Variants in PSD3 observed in about 807,000 individuals in gnomAD.
PSD3 encodes PH and SEC7 domain-containing protein 3.
Under a neutral mutation model 105.5 loss-of-function variants are expected in PSD3, and 49 were observed. The ratio of observed to expected loss-of-function variants is 0.46; its 90% confidence interval spans 0.37 to 0.59. The LOEUF is 0.59. Among genes scored for constraint, PSD3 ranks in the 20% least tolerant of loss-of-function variants. The pLI is 0.00. For synonymous variants in PSD3, 557 were observed against 457.8 expected (o/e 1.22, Z -2.77); for missense variants, 1,561 against 1,263.8 (o/e 1.24, Z -3.57).
At chr8:18,552,747 G>A (rs180922651) in intron 15 of PSD3, among the ~76,000 whole-genome samples, 2 of 152,312 alleles carry the variant, frequency 1.3e-5, no homozygotes, top group South Asian at 2.1e-4. Context: ...GTTTCTCAAT[G>A]TAGACTTGTC....
intron 4 of PSD3, among the ~76,000 whole-genome samples, chr8:18,809,087 TC>T: frequency 6.6e-6 from 1 of 152,272 alleles, no homozygotes; most frequent in Non-Finnish European, 1.5e-5. Context: ...GTGATCCCTC[TC>T]GGAGGGGATA....
At chr8:18,793,207 G>C (rs1307879614) in intron 8 of PSD3, among the ~76,000 whole-genome samples, 1 of 151,970 alleles carries the variant, frequency 6.6e-6, no homozygotes, top group Non-Finnish European at 1.5e-5. Context: ...AGCATTAGGA[G>C]ATATACCTAA....
intron 10 of PSD3, among the ~76,000 whole-genome samples, chr8:18,646,196 G>C (rs1417538877): frequency 6.6e-6 from 1 of 152,050 alleles, no homozygotes; most frequent in Non-Finnish European, 1.5e-5. Context: ...CTACATTGAA[G>C]TTTAAAATGA....
intron 1 of PSD3, among the ~76,000 whole-genome samples, chr8:19,041,741 G>T (rs998520053): frequency 5.3e-5 from 8 of 152,186 alleles, no homozygotes; most frequent in African/African-American, 1.9e-4. Context: ...GACATGTTCT[G>T]AACAACAAGC....
intron 1 of PSD3, among the ~76,000 whole-genome samples, chr8:19,082,208 C>T (rs1011937814): frequency 4.2e-4 from 64 of 152,216 alleles, no homozygotes; most frequent in African/African-American, 1.4e-3. Context: ...TAGTGATAGC[C>T]GTACGGCACC....
intron 9 of PSD3, among the ~76,000 whole-genome samples, chr8:18,659,100 G>A (rs1809121845): frequency 6.6e-6 from 1 of 152,186 alleles, no homozygotes; most frequent in South Asian, 2.1e-4. Context: ...CATCTCTGAA[G>A]CCAAGGGGAC....
intron 2 of PSD3, among the ~76,000 whole-genome samples, chr8:18,879,371 C>T (rs1318005563): frequency 1.3e-5 from 2 of 152,096 alleles, no homozygotes; most frequent in African/African-American, 2.4e-5. Flanking sequence ...AGTAGTTTCT[C>T]GTGGTCTGTG....
At chr8:18,795,865 A>G (rs1204305657) in intron 8 of PSD3, among the ~76,000 whole-genome samples, 1 of 152,236 alleles carries the variant, frequency 6.6e-6, no homozygotes, top group African/African-American at 2.4e-5. Flanking sequence ...TTCAACTCTT[A>G]CCTTGTTGAT....
At chr8:18,856,592 C>G (rs572952912) in intron 4 of PSD3, among the ~76,000 whole-genome samples, 1 of 152,308 alleles carries the variant, frequency 6.6e-6, no homozygotes, top group African/African-American at 2.4e-5. Flanking sequence ...CTTATTTTCT[C>G]TATACTAAAG....
chr8:18,600,297 A>G, intron 12 of PSD3, 67 bp downstream of exon 12: 2 of 1,372,988 alleles, frequency 1.5e-6, no homozygotes, highest in Non-Finnish European at 2.1e-6. Context: ...TACCGTACAT[A>G]CATATACTGG....
chr8:19,019,758 G>A (rs972683475), intron 1 of PSD3, among the ~76,000 whole-genome samples: 2 of 152,188 alleles, frequency 1.3e-5, no homozygotes, highest in African/African-American at 4.8e-5. Context: ...GAATACGTCT[G>A]ACACAAAATT....
At chr8:18,679,353 G>A (rs1030492238) in intron 9 of PSD3, among the ~76,000 whole-genome samples, 1 of 152,236 alleles carries the variant, frequency 6.6e-6, no homozygotes, top group Admixed American at 6.5e-5. Context: ...AGGTGATGGT[G>A]CCTTTCAACA....
At chr8:18,646,533 A>T (rs1808045781) in intron 10 of PSD3, among the ~76,000 whole-genome samples, 1 of 152,168 alleles carries the variant, frequency 6.6e-6, no homozygotes, top group Non-Finnish European at 1.5e-5. Context: ...CACACAAGGG[A>T]TTCCAACTTT....
intron 8 of PSD3, among the ~76,000 whole-genome samples, chr8:18,778,969 G>A (rs1192973731): frequency 6.6e-6 from 1 of 151,984 alleles, no homozygotes; most frequent in Non-Finnish European, 1.5e-5. Context: ...TGGCCTCATG[G>A]AACAAGCTAG....
chr8:18,536,240 T>A (rs1331093064), intron 15 of PSD3, among the ~76,000 whole-genome samples: 1 of 152,164 alleles, frequency 6.6e-6, no homozygotes, highest in Non-Finnish European at 1.5e-5. Context: ...TGGAACACCA[T>A]GAATCTAGAA....
intron 14 of PSD3, among the ~76,000 whole-genome samples, chr8:18,560,009 A>G (rs1390735787): frequency 6.6e-6 from 1 of 152,236 alleles, no homozygotes; most frequent in Non-Finnish European, 1.5e-5. Flanking sequence ...TTCATAAGGC[A>G]GGAGTCAATA....
intron 2 of PSD3, among the ~76,000 whole-genome samples, chr8:18,927,236 CAG>C (rs1185943406): frequency 3.9e-5 from 6 of 152,042 alleles, no homozygotes; most frequent in African/African-American, 1.2e-4. Flanking sequence ...TTTTCTGAGA[CAG>C]AGTGTCACTC....
At chr8:18,631,554 G>A (rs772814875) in intron 11 of PSD3, among the ~76,000 whole-genome samples, 14 of 151,932 alleles carry the variant, frequency 9.2e-5, no homozygotes, top group Non-Finnish European at 1.3e-4. Context: ...TGGAGAGTAC[G>A]TCCTGGTGAC....
At chr8:18,880,691 T>G (rs568842383) in intron 2 of PSD3, among the ~76,000 whole-genome samples, 2 of 152,188 alleles carry the variant, frequency 1.3e-5, no homozygotes, top group South Asian at 2.1e-4. Flanking sequence ...TACACCAAAC[T>G]TGAAACTTGT....
Sources: gnomAD v4.1 joint callset for allele counts (sites outside exome capture counted in the v4.1 genomes callset) on GRCh38, gnomAD v4.1.1 for gene constraint, MANE v1.5 for transcripts, NCBI Gene and HGNC (gene_info 2026-07-23, HGNC 2026-07-21) for gene names.